The following MAPK6 variants were observed in gnomAD, a reference collection of about 807,000 sequenced individuals.
MAPK6 encodes mitogen-activated protein kinase 6, also known as ERK-3.
MAPK6 carries 19 observed loss-of-function variants against 59.3 expected under a neutral mutation model. That is an observed-to-expected ratio of 0.32 (90% CI 0.22 to 0.47). MAPK6 has a LOEUF of 0.47. Ranked by LOEUF, MAPK6 falls within the 20% of genes least tolerant of loss-of-function variation. MAPK6 has a pLI of 1.00. For synonymous variants in MAPK6, 316 were observed against 290.3 expected (o/e 1.09, Z -0.90); for missense variants, 724 against 847.9 (o/e 0.85, Z 1.81).
At chr15:52,015,358 G>C (rs1030975089), upstream of MAPK6, among the ~76,000 whole-genome samples, 1 of 152,100 alleles carries the variant, frequency 6.6e-6, no homozygotes, top group Non-Finnish European at 1.5e-5. Flanking sequence ...TGTTGGTCAG[G>C]CTGGTCCTGA....
intron 1 of MAPK6, among the ~76,000 whole-genome samples, chr15:52,020,450 G>C (rs1274019330): frequency 6.6e-6 from 1 of 151,858 alleles, no homozygotes; most frequent in East Asian, 1.9e-4. Flanking sequence ...TGCAGTCTCA[G>C]TAATGACTTT....
intron 2 of MAPK6, among the ~76,000 whole-genome samples, chr15:51,995,901 C>A (rs988890673): frequency 7.9e-5 from 12 of 151,458 alleles, no homozygotes; most frequent in South Asian, 2.1e-4. Flanking sequence ...ACACTCCAGC[C>A]TGGGCTACAG....
rs559592826 is a variant in MAPK6 at position 52,029,430 on chromosome 15, C to A, written c.-632+10054C>A. 1.3e-4 allele frequency among the ~76,000 whole-genome samples: 20 copies of A among 152,246 alleles called. No homozygotes were observed. In the South Asian group the frequency reaches 2.5e-3, roughly 19 times the overall value. On this transcript the variant is annotated intron_variant, in intron 1 of 5. Coordinates refer to ENST00000261845, the MANE Select transcript of MAPK6 (RefSeq NM_002748.4). ...TCACCCTCTTTTTCTAAATTCTTCCCTAGATGGTCTCATTCAACTCATTGT... is the reference window on the plus strand; with the variant it reads ...TCACCCTCTTTTTCTAAATTCTTCCATAGATGGTCTCATTCAACTCATTGT...
intron 1 of MAPK6, among the ~76,000 whole-genome samples, chr15:51,981,514 T>C (rs753742744): frequency 6.6e-6 from 1 of 151,520 alleles, no homozygotes; most frequent in Admixed American, 6.6e-5. Context: ...TTCAGACTTA[T>C]GTGAAGAAAA....
chr15:52,031,853 C>G (rs1302611572), intron 1 of MAPK6, among the ~76,000 whole-genome samples: 1 of 152,050 alleles, frequency 6.6e-6, no homozygotes, highest in African/African-American at 2.4e-5. Flanking sequence ...AAAAATTTCA[C>G]CATTTTATTT....
At chr15:52,016,070 GCACACACACACACACACA>G (rs1175427042), upstream of MAPK6, among the ~76,000 whole-genome samples, 12 of 55,444 alleles carry the variant, frequency 2.2e-4, no homozygotes, top group South Asian at 3.3e-3. Context: ...GCGCGCGCGC[GCACACACACACACACACA>G]CACACACACA....
chr15:51,971,875 T>G, exon 1 of MAPK6: 1 of 976,310 alleles, frequency 1.0e-6, no homozygotes, highest in Non-Finnish European at 1.6e-6. Context: ...TGACCTAGTT[T>G]TCGCTCGCCC....
chr15:52,002,994 C>T (rs1443732387), intron 2 of MAPK6, among the ~76,000 whole-genome samples: 1 of 152,138 alleles, frequency 6.6e-6, no homozygotes, highest in African/African-American at 2.4e-5. Context: ...TGAGACCAAC[C>T]TGACCAACAT....
At chr15:52,025,343 A>C (rs1263622812) in intron 1 of MAPK6, among the ~76,000 whole-genome samples, 2 of 152,222 alleles carry the variant, frequency 1.3e-5, no homozygotes, top group Non-Finnish European at 2.9e-5. Context: ...GAAAAAAGTC[A>C]AATGGAAAAT....
intron 2 of MAPK6, among the ~76,000 whole-genome samples, chr15:52,048,806 G>C (rs1046738476): frequency 1.3e-5 from 2 of 152,016 alleles, no homozygotes; most frequent in African/African-American, 4.8e-5. Context: ...TTGAGGCCAG[G>C]AGTTTGAGAC....
chr15:52,030,685 G>A (rs976289160), intron 1 of MAPK6, among the ~76,000 whole-genome samples: 4 of 144,146 alleles, frequency 2.8e-5, no homozygotes, highest in Non-Finnish European at 4.5e-5. Flanking sequence ...GGAGTACAGC[G>A]GTGCAATCTT....
At chr15:51,983,935 A>G (rs1372899164) in intron 2 of MAPK6, among the ~76,000 whole-genome samples, 1 of 152,094 alleles carries the variant, frequency 6.6e-6, no homozygotes, top group Non-Finnish European at 1.5e-5. Flanking sequence ...GCAGTGAACT[A>G]TGATTATGCC....
At chr15:51,973,290 T>C (rs2057144274) in intron 1 of MAPK6, among the ~76,000 whole-genome samples, 1 of 151,948 alleles carries the variant, frequency 6.6e-6, no homozygotes, top group Non-Finnish European at 1.5e-5. Flanking sequence ...GTATTCCATT[T>C]GACAGTGATT....
chr15:51,991,312 G>A (rs967478767), intron 2 of MAPK6, among the ~76,000 whole-genome samples: 3 of 151,836 alleles, frequency 2.0e-5, no homozygotes, highest in Non-Finnish European at 4.4e-5. Flanking sequence ...AATATAACCC[G>A]AGGCATCATG....
chr15:52,033,326 C>T lies in MAPK6; in HGVS notation c.-631-12504C>T, dbSNP rs1049314911. Among the ~76,000 whole-genome samples the T allele has an allele frequency of 2.0e-5, 3 of 152,108 alleles. No individual in the cohort carries two copies. The East Asian group carries it at 5.8e-4, about 29-fold the overall frequency. On this transcript the variant is annotated intron_variant, in intron 1 of 5. Coordinates refer to ENST00000261845, the MANE Select transcript of MAPK6 (RefSeq NM_002748.4). ...GGACTGGGAGAGGAAAACCCACCCT[C>T]ATCAGTGTGGGTGGGCACCATCCAA...
At chr15:51,973,256 C>T (rs531983356) in intron 1 of MAPK6, among the ~76,000 whole-genome samples, 1 of 152,010 alleles carries the variant, frequency 6.6e-6, no homozygotes, top group East Asian at 1.9e-4. Flanking sequence ...AACCTGAAAA[C>T]TATCTGGAAT....
chr15:51,993,116 A>C (rs188570482), intron 2 of MAPK6, among the ~76,000 whole-genome samples: 1 of 152,186 alleles, frequency 6.6e-6, no homozygotes, highest in Non-Finnish European at 1.5e-5. Context: ...ACCAGCTCCC[A>C]TTCTGAGGCT....
intron 1 of MAPK6, among the ~76,000 whole-genome samples, chr15:52,035,370 C>T (rs2031203259): frequency 6.6e-6 from 1 of 152,194 alleles, no homozygotes; most frequent in African/African-American, 2.4e-5. Context: ...GGCAGTGGCT[C>T]ACGCCTGTAA....
intron 1 of MAPK6, among the ~76,000 whole-genome samples, chr15:52,038,150 A>G (rs1012666705): frequency 2.2e-4 from 17 of 78,152 alleles, no homozygotes; most frequent in African/African-American, 7.1e-4. Context: ...CTTTGAGCTC[A>G]AGATTGAAAA....
Sources: allele counts gnomAD v4.1 joint callset (sites outside exome capture counted in the v4.1 genomes callset), GRCh38; gene constraint gnomAD v4.1.1; transcripts MANE v1.5; gene names NCBI Gene and HGNC (gene_info 2026-07-23, HGNC 2026-07-21).